Variants in MYL11 observed in about 807,000 individuals in gnomAD.
MYL11 encodes the protein myosin light chain 11.
the MYL11 span, among the ~76,000 whole-genome samples, chr16:30,375,214 C>T: frequency 6.6e-6 from 1 of 152,048 alleles, no homozygotes; most frequent in African/African-American, 2.4e-5. Context: ...GCCTGTAATC[C>T]CAGCACTTTG....
chr16:30,376,703 G>GCAT, the MYL11 span: 1 of 1,613,042 alleles, frequency 6.2e-7, no homozygotes, highest in Admixed American at 1.7e-5. Context: ...GAAGTTGTAA[G>GCAT]CATCGGCTCC....
chr16:30,372,091 C>T, the MYL11 span, among the ~76,000 whole-genome samples: 2 of 152,158 alleles, frequency 1.3e-5, no homozygotes, highest in Non-Finnish European at 2.9e-5. Context: ...TCACCTTTCC[C>T]ATCTCCCGTT....
At chr16:30,377,399 C>CA in the MYL11 span, among the ~76,000 whole-genome samples, 1 of 151,898 alleles carries the variant, frequency 6.6e-6, no homozygotes, top group East Asian at 1.9e-4. Context: ...AACAAAAACC[C>CA]AAAAATTCCT....
At chr16:30,377,710 G>A in the MYL11 span, 1 of 1,577,748 alleles carries the variant, frequency 6.3e-7, no homozygotes, top group African/African-American at 1.3e-5. Flanking sequence ...GAGGTGAGTG[G>A]GGACCGGGGC....
the MYL11 span, chr16:30,374,716 G>A: frequency 9.8e-7 from 1 of 1,024,370 alleles, no homozygotes; most frequent in South Asian, 1.8e-5. Context: ...TATCTGGGGT[G>A]GGCACCCGCA....
At chr16:30,376,705 A>T in the MYL11 span, 1 of 1,612,854 alleles carries the variant, frequency 6.2e-7, no homozygotes, top group Admixed American at 1.7e-5. Context: ...AGTTGTAAGC[A>T]TCGGCTCCCC....
At chr16:30,377,465 C>T in the MYL11 span, 13 of 504,778 alleles carry the variant, frequency 2.6e-5, no homozygotes, top group Non-Finnish European at 4.1e-5. Flanking sequence ...TGGTAATGGG[C>T]GGTAAGATTG....
the MYL11 span, chr16:30,376,233 C>T: frequency 2.5e-6 from 4 of 1,612,590 alleles, no homozygotes; most frequent in Middle Eastern, 1.6e-4. Flanking sequence ...GAGCCCCCTA[C>T]CCCCAGGTGG....
At chr16:30,374,824 G>A in the MYL11 span, 64 of 1,612,594 alleles carry the variant, frequency 4.0e-5, no homozygotes, top group Admixed American at 1.2e-4. Flanking sequence ...CTTTCCAGCC[G>A]GAGCCGCTGC....
At chr16:30,377,550 TG>T in the MYL11 span, 285 of 1,251,556 alleles carry the variant, frequency 2.3e-4, no homozygotes, top group Non-Finnish European at 3.0e-4. Context: ...TAGAGTGACC[TG>T]GGTTTTCAGG....
chr16:30,376,471 C>T, the MYL11 span: 1 of 1,614,090 alleles, frequency 6.2e-7, no homozygotes, highest in African/African-American at 1.3e-5. Context: ...ATGAAGGAAG[C>T]CAGCGGTCCC....
chr16:30,374,835 C>T, the MYL11 span: 2 of 1,613,452 alleles, frequency 1.2e-6, no homozygotes, highest in Non-Finnish European at 1.7e-6. Flanking sequence ...GAGCCGCTGC[C>T]TTGCCCCCCG....
chr16:30,377,812 C>T, the MYL11 span: 6 of 1,613,986 alleles, frequency 3.7e-6, no homozygotes, highest in Admixed American at 1.7e-5. Context: ...AACATGTGGG[C>T]GGCCTTCCCC....
chr16:30,376,304 T>C, the MYL11 span: 1 of 1,562,114 alleles, frequency 6.4e-7, no homozygotes, highest in Non-Finnish European at 8.8e-7. Context: ...CCCTGTCAGC[T>C]CCACCTTGGG....
chr16:30,374,174 C>G, the MYL11 span, among the ~76,000 whole-genome samples: 2 of 151,828 alleles, frequency 1.3e-5, no homozygotes, highest in African/African-American at 2.4e-5. Flanking sequence ...AAAAATTAGC[C>G]TGGCTTCGTG....
the MYL11 span, among the ~76,000 whole-genome samples, chr16:30,371,531 T>A: frequency 6.6e-6 from 1 of 152,154 alleles, no homozygotes; most frequent in Non-Finnish European, 1.5e-5. Flanking sequence ...ACCCATTTCC[T>A]GCGGGAATCC....
At chr16:30,375,658 A>C in the MYL11 span, among the ~76,000 whole-genome samples, 9 of 152,058 alleles carry the variant, frequency 5.9e-5, no homozygotes, top group Non-Finnish European at 1.3e-4. Context: ...GAATGCAATC[A>C]AAGCAAGCCC....
the MYL11 span, among the ~76,000 whole-genome samples, chr16:30,375,134 G>A: frequency 6.6e-6 from 1 of 152,180 alleles, no homozygotes; most frequent in African/African-American, 2.4e-5. Context: ...TCTGGCACCA[G>A]CCAGGCAATA....
chr16:30,376,211 G>T, the MYL11 span: 2 of 1,613,880 alleles, frequency 1.2e-6, no homozygotes, highest in Non-Finnish European at 1.7e-6. Flanking sequence ...GGACACCTTC[G>T]CAGCCATGGG....
Sources: gnomAD v4.1 joint callset for allele counts (sites outside exome capture counted in the v4.1 genomes callset) on GRCh38, gnomAD v4.1.1 for gene constraint, MANE v1.5 for transcripts, NCBI Gene and HGNC (gene_info 2026-07-23, HGNC 2026-07-21) for gene names.